The following RBM6 variants were observed in gnomAD, a reference collection of about 807,000 sequenced individuals.
RBM6 encodes the protein RNA-binding protein 6.
A neutral mutation model predicts 140.4 loss-of-function variants in RBM6; 23 were observed. The observed-to-expected ratio is 0.16, with a 90% CI of 0.12 to 0.23. The LOEUF (loss-of-function observed/expected upper bound fraction) is 0.23, where lower values mean the gene tolerates loss of function less well. Ranked by LOEUF, RBM6 falls within the 10% of genes least tolerant of loss-of-function variation. RBM6 has a pLI of 1.00. For missense variants in RBM6, 1,139 were observed against 1,386.7 expected, an observed-to-expected ratio of 0.82 and a Z score of 2.84; for synonymous variants, 439 against 475.6, an observed-to-expected ratio of 0.92 and a Z score of 1.00.
chr3:50,005,668 C>T (rs1431563363), intron 6 of RBM6, among the ~76,000 whole-genome samples: 3 of 152,092 alleles, frequency 2.0e-5, no homozygotes. Context: ...GCATTCCAAG[C>T]AACAAAACCA....
At chr3:50,075,036 A>G (rs1336499654) in intron 19 of RBM6, 165 bp from the exon 20 acceptor site, 3 of 752,802 alleles carry the variant, frequency 4.0e-6, no homozygotes, top group East Asian at 2.8e-5. Flanking sequence ...GGCACCTGCA[A>G]TCCCAGCTAA....
intron 6 of RBM6, among the ~76,000 whole-genome samples, chr3:50,014,267 C>T (rs1310490758): frequency 6.6e-6 from 1 of 152,140 alleles, no homozygotes; most frequent in African/African-American, 2.4e-5. Context: ...ACGAGCTTAG[C>T]CTGTGTCCTT....
At position 49,968,146 on chromosome 3, in the gene RBM6, G is replaced by C; in HGVS notation, c.721G>C (p.Gly241Arg). Residue 241 changes from glycine (G) to arginine (R), a missense_variant, in exon 3 of 21, where the codon GGT becomes CGT. Coordinates refer to ENST00000266022, the MANE Select transcript of RBM6 (RefSeq NM_005777.3). The stretch of plus-strand genomic sequence containing the variant: ...AGTAGACTTTAGAGGCCGAGGTTCA[G>C]GTACTACTGATCTAGACTTTAGGGA... ...TQVDFRGRGS[G>R]TTDLDFRDRD... 1 of 1,614,134 alleles carries C rather than the reference G, an allele frequency of 6.2e-7. No individual in the cohort carries two copies.
chr3:49,981,092 A>T lies in RBM6; in HGVS notation c.1483+5700A>T, dbSNP rs939141398. 2.0e-5 allele frequency among the ~76,000 whole-genome samples: 3 copies of T among 151,856 alleles called. No homozygotes were observed. In the South Asian group the frequency reaches 6.2e-4, roughly 32 times the overall value. ...TAATTTTTTGTATTTTTTAGTAGAG[A>T]CGGGGTTTCACCATGTTGGCCAGCC... On this transcript the variant is annotated intron_variant, in intron 5 of 20. Transcript: ENST00000266022.
At chr3:49,955,096 T>G (rs1013266873) in intron 1 of RBM6, among the ~76,000 whole-genome samples, 1 of 151,532 alleles carries the variant, frequency 6.6e-6, no homozygotes, top group Non-Finnish European at 1.5e-5. Context: ...TAATAGCTTA[T>G]CCTGTATCAA....
In RBM6 at chr3:49,984,803, T is replaced by G. The variant is rs528999653; in HGVS notation, c.1483+9411T>G. ...TAAAGCCAAGAAGAAGGATACTAAT[T>G]AAAGAAATTTTCAGATTTTGCATCT... On this transcript the variant is annotated intron_variant, in intron 5 of 20. Transcript: ENST00000266022. 3.3e-5 allele frequency among the ~76,000 whole-genome samples: 5 copies of G among 152,312 alleles called. No individual in the cohort carries two copies. The South Asian group carries it at 8.3e-4, about 25-fold the overall frequency.
chr3:49,995,324 G>C (rs200137442), intron 5 of RBM6, among the ~76,000 whole-genome samples: 52 of 152,258 alleles, frequency 3.4e-4, no homozygotes, highest in Admixed American at 1.6e-3. Context: ...CCAGCACTGA[G>C]GCAGGCAGAT....
chr3:50,008,859 G>A (rs1443086594), intron 6 of RBM6, among the ~76,000 whole-genome samples: 1 of 152,154 alleles, frequency 6.6e-6, no homozygotes, highest in African/African-American at 2.4e-5. Context: ...CCTCTCTTTT[G>A]TAACTTCTGA....
intron 20 of RBM6, among the ~76,000 whole-genome samples, chr3:50,076,800 G>T (rs1432778235): frequency 6.6e-6 from 1 of 151,760 alleles, no homozygotes; most frequent in Non-Finnish European, 1.5e-5. Flanking sequence ...CACAAGAATT[G>T]CTTGAACCGG....
At chr3:50,059,781 C>T (rs767808496) in intron 11 of RBM6, 35 bp downstream of exon 11, 3 of 1,535,200 alleles carry the variant, frequency 2.0e-6, no homozygotes, top group South Asian at 1.2e-5. Context: ...TTGTGCTGCC[C>T]CCACTTGTGT....
intron 8 of RBM6, among the ~76,000 whole-genome samples, chr3:50,056,102 AG>A (rs775397229): frequency 1.3e-5 from 2 of 152,180 alleles, no homozygotes; most frequent in African/African-American, 2.4e-5. Context: ...ACTGAAAGGC[AG>A]GTGTTCTGAA....
At chr3:49,951,753 C>T (rs1045606056) in intron 1 of RBM6, among the ~76,000 whole-genome samples, 8 of 150,302 alleles carry the variant, frequency 5.3e-5, no homozygotes, top group Admixed American at 6.7e-5. Flanking sequence ...GGTGGAGTCT[C>T]GCCCTGTCGC....
At chr3:50,040,322 T>C (rs1289668806) in intron 6 of RBM6, among the ~76,000 whole-genome samples, 1 of 151,134 alleles carries the variant, frequency 6.6e-6, no homozygotes, top group African/African-American at 2.4e-5. Context: ...GATGGGTGCC[T>C]GTAGTCCCAG....
chr3:49,954,018 C>G (rs927406587), intron 1 of RBM6, among the ~76,000 whole-genome samples: 1 of 152,026 alleles, frequency 6.6e-6, no homozygotes, highest in Admixed American at 6.6e-5. Flanking sequence ...CATTTGTAGT[C>G]CCAGCTACTC....
chr3:50,057,587 CAAAAAAAAAAAA>C, intron 8 of RBM6, 129 bp from the exon 9 acceptor site: 1 of 215,178 alleles, frequency 4.6e-6, no homozygotes, highest in Non-Finnish European at 7.6e-6. Flanking sequence ...AACTCCGTCT[CAAAAAAAAAAAA>C]AAAAAAAAAA....
chr3:49,974,717 C>T (rs530208610), intron 4 of RBM6, among the ~76,000 whole-genome samples: 26 of 118,392 alleles, frequency 2.2e-4, no homozygotes, highest in African/African-American at 7.0e-4. Flanking sequence ...GATAGTGTCT[C>T]GCTCTGTTGC....
intron 7 of RBM6, among the ~76,000 whole-genome samples, chr3:50,050,311 A>G (rs535911149): frequency 6.6e-6 from 1 of 152,334 alleles, no homozygotes; most frequent in Admixed American, 6.5e-5. Flanking sequence ...TATAAATGGA[A>G]TCAAAATATG....
chr3:49,990,907 C>A (rs531047443), intron 5 of RBM6, among the ~76,000 whole-genome samples: 1 of 152,232 alleles, frequency 6.6e-6, no homozygotes, highest in South Asian at 2.1e-4. Flanking sequence ...CCTCTTGATA[C>A]CAGGTAATTC....
chr3:49,992,329 G>A (rs2085865791), intron 5 of RBM6, among the ~76,000 whole-genome samples: 2 of 152,070 alleles, frequency 1.3e-5, no homozygotes, highest in Non-Finnish European at 2.9e-5. Flanking sequence ...ATGTTTATGG[G>A]CCATGTTTTT....
Sources: allele counts gnomAD v4.1 joint callset (sites outside exome capture counted in the v4.1 genomes callset), GRCh38; gene constraint gnomAD v4.1.1; transcripts MANE v1.5; gene names NCBI Gene and HGNC (gene_info 2026-07-23, HGNC 2026-07-21).